The following CHST11 variants were observed in gnomAD, a reference collection of about 807,000 sequenced individuals.
CHST11 encodes the protein C4S-1.
In CHST11, 9 loss-of-function variants were observed where a neutral mutation model predicts 30.4. The ratio of observed to expected loss-of-function variants is 0.30; its 90% CI spans 0.18 to 0.52. The LOEUF (loss-of-function observed/expected upper bound fraction) is 0.52. Among genes scored for constraint, CHST11 ranks in the 20% least tolerant of loss-of-function variants. CHST11 has a pLI of 0.97. For synonymous variants in CHST11, 152 were observed against 187.8 expected, an observed-to-expected ratio of 0.81 and a Z score of 1.56; for missense variants, 348 against 460.6, an observed-to-expected ratio of 0.76 and a Z score of 2.24.
At chr12:104,463,642 G>C (rs2037430545) in intron 1 of CHST11, among the ~76,000 whole-genome samples, 2 of 152,214 alleles carry the variant, frequency 1.3e-5, no homozygotes, top group Non-Finnish European at 2.9e-5. Flanking sequence ...TGGTATATCA[G>C]ATGGTGTTAA....
chr12:104,751,202 T>C (rs1404794545), intron 2 of CHST11, among the ~76,000 whole-genome samples: 1 of 152,224 alleles, frequency 6.6e-6, no homozygotes, highest in Non-Finnish European at 1.5e-5. Context: ...GCTACCTCCC[T>C]GGGGATTCAG....
intron 1 of CHST11, among the ~76,000 whole-genome samples, chr12:104,457,944 G>A (rs1211659435): frequency 6.6e-6 from 1 of 151,994 alleles, no homozygotes; most frequent in Non-Finnish European, 1.5e-5. Context: ...GAGGTCGGAG[G>A]ATGAAAGAGT....
intron 2 of CHST11, among the ~76,000 whole-genome samples, chr12:104,711,518 C>T (rs904663894): frequency 6.6e-6 from 1 of 151,794 alleles, no homozygotes; most frequent in Non-Finnish European, 1.5e-5. Context: ...ATCTTGGGAA[C>T]GACCCAAGGA....
chr12:104,498,020 G>A (rs2037817206), intron 1 of CHST11, among the ~76,000 whole-genome samples: 1 of 146,592 alleles, frequency 6.8e-6, no homozygotes, highest in Admixed American at 7.1e-5. Context: ...CCCGGTTCAA[G>A]CAATTCTCGT....
In CHST11 at chr12:104,761,710, T is replaced by C. The variant is rs190991065; in HGVS notation, c.*3907T>C. 1 of 152,350 alleles carries C rather than the reference T, an allele frequency of 6.6e-6. No homozygotes were observed. The highest frequency in any genetic ancestry group is 1.9e-4 in the East Asian group (1 of 5,182). 9.4% of individuals were successfully genotyped at this position (152,350 alleles called of 1,614,324 possible). A position where few individuals can be genotyped will look rare whatever the true frequency, so the allele number is the denominator to read the frequency against. ...TTGGCTGATAACAGGCAAATTTCAG[T>C]CTGCTACACTTTGTTAGGTCCAGAA... On this transcript the variant is annotated 3_prime_UTR_variant, in exon 3 of 3. Coordinates refer to ENST00000303694, the MANE Select transcript of CHST11 (RefSeq NM_018413.6).
chr12:104,707,633 GAA>G (rs1481477921), intron 2 of CHST11, among the ~76,000 whole-genome samples: 1 of 152,086 alleles, frequency 6.6e-6, no homozygotes, highest in Non-Finnish European at 1.5e-5. Context: ...AGAACCTGAA[GAA>G]AAGATTCCTT....
At chr12:104,460,365 A>T (rs776505457) in intron 1 of CHST11, among the ~76,000 whole-genome samples, 1 of 151,982 alleles carries the variant, frequency 6.6e-6, no homozygotes, top group Non-Finnish European at 1.5e-5. Context: ...GAGGAGGGAG[A>T]GAAAGAAAAA....
At chr12:104,638,794 A>G (rs2039348806) in intron 2 of CHST11, among the ~76,000 whole-genome samples, 1 of 152,194 alleles carries the variant, frequency 6.6e-6, no homozygotes, top group Non-Finnish European at 1.5e-5. Flanking sequence ...AGGTCCTGCA[A>G]CTTCTTTCAT....
chr12:104,672,890 G>A (rs1002980629), intron 2 of CHST11, among the ~76,000 whole-genome samples: 2 of 152,166 alleles, frequency 1.3e-5, no homozygotes, highest in African/African-American at 4.8e-5. Context: ...GGCCATACCT[G>A]CCCCACCATT....
chr12:104,671,001 C>T (rs2039690850), intron 2 of CHST11, among the ~76,000 whole-genome samples: 1 of 152,212 alleles, frequency 6.6e-6, no homozygotes, highest in African/African-American at 2.4e-5. Context: ...ATTTCCTGCC[C>T]TGCCTTCTGA....
intron 1 of CHST11, among the ~76,000 whole-genome samples, chr12:104,572,655 T>A (rs992115337): frequency 5.4e-4 from 82 of 152,288 alleles, no homozygotes; most frequent in Non-Finnish European, 9.4e-4. Flanking sequence ...TTGATCTTTT[T>A]AAAAAAACTA....
At chr12:104,598,454 T>G (rs770257487) in intron 1 of CHST11, among the ~76,000 whole-genome samples, 2 of 152,132 alleles carry the variant, frequency 1.3e-5, no homozygotes, top group African/African-American at 2.4e-5. Flanking sequence ...ATTCTGTAAT[T>G]GGATGCTCAA....
intron 2 of CHST11, among the ~76,000 whole-genome samples, chr12:104,743,420 C>T (rs2040364357): frequency 6.6e-6 from 1 of 152,148 alleles, no homozygotes; most frequent in African/African-American, 2.4e-5. Context: ...TGAGCAGGGG[C>T]AGCTGGGCTG....
intron 1 of CHST11, among the ~76,000 whole-genome samples, chr12:104,571,356 T>C (rs2038624279): frequency 6.6e-6 from 1 of 152,040 alleles, no homozygotes; most frequent in African/African-American, 2.4e-5. Context: ...AGAGATGGGG[T>C]TTCCCCCTGT....
chr12:104,549,757 A>G (rs1592757941), intron 1 of CHST11, among the ~76,000 whole-genome samples: 1 of 152,136 alleles, frequency 6.6e-6, no homozygotes. Context: ...AATAACAAAA[A>G]TTAGTCAGGT....
intron 2 of CHST11, among the ~76,000 whole-genome samples, chr12:104,706,349 A>C (rs554343637): frequency 6.7e-6 from 1 of 149,802 alleles, no homozygotes; most frequent in South Asian, 2.1e-4. Flanking sequence ...GCACCACTGC[A>C]CTCCAGCCTG....
chr12:104,694,361 C>T (rs1273525308), intron 2 of CHST11, among the ~76,000 whole-genome samples: 1 of 152,214 alleles, frequency 6.6e-6, no homozygotes, highest in Non-Finnish European at 1.5e-5. Flanking sequence ...CTGTTAGCTG[C>T]CTTCTCATTC....
At chr12:104,710,532 G>A (rs1592852060) in intron 2 of CHST11, among the ~76,000 whole-genome samples, 1 of 152,182 alleles carries the variant, frequency 6.6e-6, no homozygotes, top group South Asian at 2.1e-4. Flanking sequence ...TCCTGGACAG[G>A]CCCAAGCATG....
At chr12:104,578,509 CT>C (rs1481142357) in intron 1 of CHST11, among the ~76,000 whole-genome samples, 2 of 152,160 alleles carry the variant, frequency 1.3e-5, no homozygotes, top group South Asian at 4.1e-4. Context: ...TCAGAACCCC[CT>C]GCCTCTATTG....
Sources: allele counts gnomAD v4.1 joint callset (sites outside exome capture counted in the v4.1 genomes callset), GRCh38; gene constraint gnomAD v4.1.1; transcripts MANE v1.5; gene names NCBI Gene and HGNC (gene_info 2026-07-23, HGNC 2026-07-21).